Variants in SPTA1 observed in about 807,000 individuals in gnomAD.
SPTA1 encodes spectrin alpha chain, erythrocytic 1.
Under a neutral mutation model 324.7 loss-of-function variants are expected in SPTA1, and 177 were observed. The observed-to-expected ratio is 0.55, with a 90% CI of 0.48 to 0.62. SPTA1 has a LOEUF of 0.62. Ranked by LOEUF, SPTA1 falls within the 20% of genes least tolerant of loss-of-function variation. The pLI is 0.00. For missense variants in SPTA1, 3,162 were observed against 2,883.6 expected, an observed-to-expected ratio of 1.10 and a Z score of -2.21; for synonymous variants, 1,195 against 1,041.3, an observed-to-expected ratio of 1.15 and a Z score of -2.84.
Position 158,638,198 on chromosome 1 carries a change from G to A in SPTA1, c.5024C>T (p.Ser1675Phe). 1 of 1,613,644 alleles carries A rather than the reference G, an allele frequency of 6.2e-7. No homozygotes were observed. Among genetic ancestry groups the A allele is most frequent in the Non-Finnish European group, 8.5e-7 (1 of 1,179,954 alleles). The change falls in exon 36 of 52, where the codon TCC (serine) becomes TTC (phenylalanine). Residue 1675 changes from serine to phenylalanine, a missense_variant. Transcript: ENST00000643759. ...CTGATCAACGTTGAAAGTCCCGCTG[G>A]AGAGCAAATCTTCAGCCAATGTATT... Reference protein sequence around the residue: ...DLNTLAEDLLSSGTFNVDQIV... With the variant: ...DLNTLAEDLLFSGTFNVDQIV...
At chr1:158,660,112 G>A (rs1003754369) in intron 18 of SPTA1, among the ~76,000 whole-genome samples, 1 of 152,028 alleles carries the variant, frequency 6.6e-6, no homozygotes, top group Non-Finnish European at 1.5e-5. Flanking sequence ...TTGATCTAAA[G>A]GAGACATAAA....
In SPTA1 at chr1:158,622,362, T is replaced by G. The variant is rs575216133; in HGVS notation, c.6120+621A>C. 4.6e-5 allele frequency among the ~76,000 whole-genome samples: 7 copies of G among 152,114 alleles called. No homozygotes were observed. In the South Asian group the frequency reaches 1.4e-3, roughly 31 times the overall value. ...TGTACATATATTTAGGTACATATAA[T>G]GTACATATAATTATGTATTATTAAT... On this transcript the variant is annotated intron_variant, in intron 43 of 51. Transcript: ENST00000643759.
At chr1:158,657,764 A>G in intron 18 of SPTA1, 70 bp from the exon 19 acceptor site, 2 of 1,496,130 alleles carry the variant, frequency 1.3e-6, no homozygotes, top group Admixed American at 1.7e-5. Flanking sequence ...TCCTTTTGGT[A>G]CCTTGGAAAA....
At chr1:158,625,503 A>G (rs1461007756) in intron 42 of SPTA1, among the ~76,000 whole-genome samples, 1 of 152,118 alleles carries the variant, frequency 6.6e-6, no homozygotes, top group African/African-American at 2.4e-5. Context: ...CTGTTGCTGG[A>G]TATAAATCAA....
chr1:158,636,988 TCA>T (rs1281952093), intron 36 of SPTA1, among the ~76,000 whole-genome samples: 2 of 152,324 alleles, frequency 1.3e-5, no homozygotes, highest in Middle Eastern at 3.4e-3. Flanking sequence ...TCCACCATAG[TCA>T]CAACTGTAAC....
intron 39 of SPTA1, among the ~76,000 whole-genome samples, chr1:158,634,171 TAAG>T (rs1650892174): frequency 6.6e-6 from 1 of 152,198 alleles, no homozygotes; most frequent in South Asian, 2.1e-4. Context: ...TGTCCAGACA[TAAG>T]AAGATTTTTT....
In SPTA1 at chr1:158,671,389, T is replaced by C. The variant is rs1440793655; in HGVS notation, c.1553A>G (p.His518Arg). ...AGTAAAGGCTTCCTCAAAGTCTTCATGCTTCTGAAGAAGGGCTTCTGCACT... is the reference window on the plus strand; with the variant it reads ...AGTAAAGGCTTCCTCAAAGTCTTCACGCTTCTGAAGAAGGGCTTCTGCACT... ...LGSAEALLQKHEDFEEAFTAQ... is the reference protein window; with the variant it reads ...LGSAEALLQKREDFEEAFTAQ... Residue 518 changes from histidine to arginine, a missense_variant, in exon 12 of 52, where the codon CAT (histidine) becomes CGT (arginine). Coordinates refer to ENST00000643759, the MANE Select transcript of SPTA1 (RefSeq NM_003126.4). The C allele has an allele frequency of 1.9e-6, 3 of 1,613,420 alleles. No homozygotes were observed. The highest frequency in any genetic ancestry group is 1.7e-5 in the Admixed American group (1 of 59,980).
rs1427281313 is a variant in SPTA1 at position 158,639,938 on chromosome 1, G to A, written c.4807C>T (p.Leu1603Phe). ...CTCTGTTGACGACTGGCCTCATTGA[G>A]CTTCTTCCCTTTGTCATTTGTTCTC... ...LERTNDKGKK[L>F]NEASRQQRFN... Residue 1603 changes from leucine (L) to phenylalanine (F), a missense_variant, in exon 34 of 52, where the codon CTC (leucine) becomes TTC (phenylalanine). Transcript: ENST00000643759. 6.2e-7 allele frequency: 1 copy of A among 1,613,900 alleles called. No individual in the cohort carries two copies. The highest frequency in any genetic ancestry group is 1.7e-5 in the Admixed American group (1 of 59,968).
intron 2 of SPTA1, among the ~76,000 whole-genome samples, chr1:158,684,288 C>T (rs982217597): frequency 2.0e-5 from 3 of 151,918 alleles, no homozygotes; most frequent in Non-Finnish European, 4.4e-5. Flanking sequence ...ATTGAGTTAA[C>T]CAGGTTAACT....
intron 2 of SPTA1, among the ~76,000 whole-genome samples, chr1:158,683,758 T>C (rs1654976343): frequency 6.6e-6 from 1 of 150,904 alleles, no homozygotes; most frequent in Non-Finnish European, 1.5e-5. Context: ...ACACACAGTG[T>C]CCTTCCTCAT....
At position 158,648,407 on chromosome 1, in the gene SPTA1, TAAG is replaced by T. The variant is rs141916768; in HGVS notation, c.3714+99_3714+101del. Reference sequence around the variant, plus strand: ...ATATGGCACAGAACAGAGAGAAATATAAGAATAAAAGACTGAAAAAGAGAACCA... The same window carrying T: ...ATATGGCACAGAACAGAGAGAAATATAATAAAAGACTGAAAAAGAGAACCA... On this transcript the variant is annotated intron_variant, in intron 26 of 51. Coordinates refer to ENST00000643759, the MANE Select transcript of SPTA1 (RefSeq NM_003126.4). 2.2e-3 allele frequency: 3,275 copies of T among 1,513,876 alleles called. 63 individuals are homozygous for T. In the African/African-American group the frequency reaches 0.04, roughly 19 times the overall value. The allele number at this position is 1,513,876 out of a possible 1,614,324, so 93.8% of individuals were successfully genotyped here.
chr1:158,680,448 T>C (rs1654722124), intron 5 of SPTA1, 135 bp downstream of exon 5: 1 of 1,242,764 alleles, frequency 8.0e-7, no homozygotes, highest in Non-Finnish European at 1.2e-6. Context: ...GTTCAGAATA[T>C]GTTACTCCAG....
intron 17 of SPTA1, 117 bp from the exon 18 acceptor site, chr1:158,661,526 A>G: frequency 7.5e-7 from 1 of 1,334,624 alleles, no homozygotes; most frequent in Non-Finnish European, 1.1e-6. Flanking sequence ...CTAACCATTG[A>G]GTAAGATTCT....
rs746225633 is a variant in SPTA1, at chr1:158,666,418, A to G, written c.2118T>C (p.Val706=). Residue 706 remains valine, a synonymous_variant, in exon 16 of 52, where the codon GTT becomes GTC. Coordinates refer to ENST00000643759, the MANE Select transcript of SPTA1 (RefSeq NM_003126.4). ...AEDLQRWLED[V]EWQVTSEDYG... ...AATCCTCAGAGGTGACTTGCCACTC[A>G]ACATCCTCCAGCCAGCGCTGCAAAT... 5 of 1,613,770 alleles carry G rather than the reference A, an allele frequency of 3.1e-6. No homozygotes were observed. In the South Asian group the frequency reaches 4.4e-5, roughly 14 times the overall value.
chr1:158,672,333 T>A, intron 10 of SPTA1, 137 bp from the exon 11 acceptor site: 1 of 842,172 alleles, frequency 1.2e-6, no homozygotes, highest in Non-Finnish European at 1.9e-6. Context: ...TTCCAACTTT[T>A]AAGCAAATGA....
At chr1:158,672,554 ATAATG>A (rs1654099861) in intron 10 of SPTA1, among the ~76,000 whole-genome samples, 3 of 152,186 alleles carry the variant, frequency 2.0e-5, no homozygotes, top group Non-Finnish European at 4.4e-5. Context: ...TAATTTTTAG[ATAATG>A]TAATGTGAGC....
Position 158,638,229 on chromosome 1 carries a change from C to G in SPTA1, c.4993G>C (p.Asp1665His). ...EMLAREDALKDLNTLAEDLLS... is the reference protein window; with the variant it reads ...EMLAREDALKHLNTLAEDLLS... Reference sequence around the variant, plus strand: ...AAATCTTCAGCCAATGTATTCAGGTCCTTGAGTGCATCCTAGAAAGTCTCG... The same window carrying G: ...AAATCTTCAGCCAATGTATTCAGGTGCTTGAGTGCATCCTAGAAAGTCTCG... Residue 1665 changes from aspartate (D) to histidine (H), a missense_variant, in exon 36 of 52, where the codon GAC (aspartate) becomes CAC (histidine). Coordinates refer to ENST00000643759, the MANE Select transcript of SPTA1 (RefSeq NM_003126.4). 6.2e-7 allele frequency: 1 copy of G among 1,612,478 alleles called. No individual in the cohort carries two copies. The highest frequency in any genetic ancestry group is 8.5e-7 in the Non-Finnish European group (1 of 1,179,888).
chr1:158,678,709 C>G (rs1371418436), intron 5 of SPTA1, among the ~76,000 whole-genome samples, 175 bp from the exon 6 acceptor site: 1 of 152,108 alleles, frequency 6.6e-6, no homozygotes, highest in Non-Finnish European at 1.5e-5. Flanking sequence ...TTGATGCACA[C>G]TACCAAAACC....
Position 158,634,626 on chromosome 1 carries a change from C to T in SPTA1, c.5482G>A (p.Ala1828Thr), listed in dbSNP as rs779072284. 13 of 1,614,174 alleles carry T rather than the reference C, an allele frequency of 8.1e-6. No homozygotes were observed. Among genetic ancestry groups the T allele is most frequent in the South Asian group, 4.4e-5 (4 of 91,080 alleles). The change falls in exon 39 of 52, where the codon GCT becomes ACT. Residue 1828 changes from alanine to threonine, a missense_variant. Physicochemically the swap from Ala to Thr is moderately conservative, Grantham distance 58. Coordinates refer to ENST00000643759, the MANE Select transcript of SPTA1 (RefSeq NM_003126.4). ...TTGATCCAAGCTTCCTCTTCCTCAGCATTCTGCATGAATTGCAAGTATTCT... is the reference window on the plus strand; with the variant it reads ...TTGATCCAAGCTTCCTCTTCCTCAGTATTCTGCATGAATTGCAAGTATTCT... ...SLEYLQFMQN[A>T]EEEEAWINEK... is the part of the protein sequence containing the mutation.
Sources: allele counts gnomAD v4.1 joint callset (sites outside exome capture counted in the v4.1 genomes callset), GRCh38; gene constraint gnomAD v4.1.1; transcripts MANE v1.5; gene names NCBI Gene and HGNC (gene_info 2026-07-23, HGNC 2026-07-21).